Variants in KIF26A observed in about 807,000 individuals in gnomAD.
The protein encoded by KIF26A is kinesin-like protein KIF26A.
KIF26A carries 74 observed loss-of-function variants against 126.0 expected under a neutral mutation model. The ratio of observed to expected loss-of-function variants is 0.59; its 90% CI spans 0.49 to 0.71. The LOEUF (loss-of-function observed/expected upper bound fraction) is 0.71, where lower values mean the gene tolerates loss of function less well. Ranked by LOEUF, KIF26A falls within the 30% of genes least tolerant of loss-of-function variation. The pLI is 0.00. For synonymous variants in KIF26A, 1,445 were observed against 1,232.7 expected (o/e 1.17, Z -3.61); for missense variants, 2,984 against 2,763.3 (o/e 1.08, Z -1.79).
chr14:104,176,868 C>T lies in KIF26A; in HGVS notation c.4080C>T (p.Ala1360=), dbSNP rs143446561. 2.1e-3 allele frequency: 3,297 copies of T among 1,542,210 alleles called. 68 individuals carry two copies. The African/African-American group carries it at 0.037, about 18-fold the overall frequency. Residue 1360 remains alanine, a synonymous_variant, in exon 12 of 15, where the codon GCC becomes GCT. Coordinates refer to ENST00000423312, the MANE Select transcript of KIF26A (RefSeq NM_015656.2). ...TCCTCCCGAGGCCCAGTGGGGCGGC[C>T]CCCCCGGCCCCACCCACGCGGAAGT... ...AGFLPRPSGA[A]PPAPPTRKSS...
At position 104,176,345 on chromosome 14, in the gene KIF26A, C is replaced by T; in HGVS notation, c.3557C>T (p.Ser1186Phe). 1 of 1,582,336 alleles carries T rather than the reference C, an allele frequency of 6.3e-7. No homozygotes were observed. Among genetic ancestry groups the T allele is most frequent in the Non-Finnish European group, 8.6e-7 (1 of 1,161,192 alleles). The change falls in exon 12 of 15, where the codon TCC (serine) becomes TTC (phenylalanine). Residue 1186 changes from serine to phenylalanine, a missense_variant. Coordinates refer to ENST00000423312, the MANE Select transcript of KIF26A (RefSeq NM_015656.2). ...CPGEVAAVAPSRPGREPQAGP... is the reference protein window; with the variant it reads ...CPGEVAAVAPFRPGREPQAGP... ...GGGGAAGTGGCTGCAGTGGCCCCAT[C>T]CCGACCCGGCAGGGAGCCCCAGGCC... is the stretch of plus-strand genomic sequence containing the variant.
chr14:104,146,434 G>A (rs1028927131), intron 2 of KIF26A, among the ~76,000 whole-genome samples: 1 of 152,114 alleles, frequency 6.6e-6, no homozygotes, highest in Non-Finnish European at 1.5e-5. Flanking sequence ...GGGTCCTGAG[G>A]GCGGAGGCCA....
At chr14:104,168,226 C>T (rs1021363615) in intron 5 of KIF26A, among the ~76,000 whole-genome samples, 7 of 152,292 alleles carry the variant, frequency 4.6e-5, no homozygotes, top group African/African-American at 1.7e-4. Context: ...ATGCTGGCTA[C>T]GGGGAAGGGC....
At chr14:104,173,263 T>C (rs770522310) in intron 8 of KIF26A, 24 bp downstream of exon 8, 14 of 1,602,644 alleles carry the variant, frequency 8.7e-6, no homozygotes, top group African/African-American at 2.7e-5. Flanking sequence ...CTGTCCCACC[T>C]TGGGGGAGGG....
In KIF26A at chr14:104,138,685, G is replaced by A. The variant is rs1027771059; in HGVS notation, c.-38G>A. On this transcript the variant is annotated 5_prime_UTR_variant, in exon 1 of 15. Coordinates refer to ENST00000423312, the MANE Select transcript of KIF26A (RefSeq NM_015656.2). ...GCGGCGCCCCCGGAGAGCCAGCGTG[G>A]CCGGGAGCGCCTGCCGGGCTCTTCC... 5.6e-6 allele frequency: 7 copies of A among 1,261,170 alleles called. No individual in the cohort carries two copies. Among genetic ancestry groups the A allele is most frequent in the Non-Finnish European group, 7.0e-6 (7 of 1,001,478 alleles). 78.1% of individuals were successfully genotyped at this position (1,261,170 alleles called of 1,614,324 possible).
intron 2 of KIF26A, among the ~76,000 whole-genome samples, chr14:104,145,796 G>GACCT (rs1263816749): frequency 6.6e-6 from 1 of 152,174 alleles, no homozygotes; most frequent in African/African-American, 2.4e-5. Context: ...CCAGCCGCTT[G>GACCT]ACCTAGCCTG....
At chr14:104,177,920 CCTCT>C in intron 12 of KIF26A, 22 bp downstream of exon 12, 1 of 1,484,150 alleles carries the variant, frequency 6.7e-7, no homozygotes, top group Non-Finnish European at 8.9e-7. Context: ...GGTGCACAGC[CCTCT>C]ACAGTTTACG....
chr14:104,160,154 T>G lies in KIF26A; in HGVS notation c.923+2212T>G, dbSNP rs575111222. 9.2e-5 allele frequency among the ~76,000 whole-genome samples: 14 copies of G among 152,272 alleles called. No homozygotes were observed. In the South Asian group the frequency reaches 2.7e-3, roughly 29 times the overall value. On this transcript the variant is annotated intron_variant, in intron 4 of 14. Transcript: ENST00000423312. ...GCCTTAGATGGCAGCACGGGACCCG[T>G]GTAGCAGTCAGGGCAGAGTGGCCTC...
Position 104,179,661 on chromosome 14 carries a change from G to A in KIF26A, c.5520G>A (p.Leu1840=). The A allele has an allele frequency of 1.9e-6, 3 of 1,547,966 alleles. No homozygotes were observed. The highest frequency in any genetic ancestry group is 2.6e-6 in the Non-Finnish European group (3 of 1,145,838). The change falls in exon 15 of 15, where the codon CTG becomes CTA. Residue 1840 remains leucine (L), a synonymous_variant. Transcript: ENST00000423312. ...AGTCGGCCGAGTACCTGGCGGCCCT[G>A]GAGCGAGCCACGGCGGCCCTGGAGC... ...EPESAEYLAA[L]ERATAALEQC... is the part of the protein sequence containing the mutation.
chr14:104,165,635 C>CTG (rs777270303), intron 4 of KIF26A, among the ~76,000 whole-genome samples: 3 of 131,838 alleles, frequency 2.3e-5, no homozygotes, highest in African/African-American at 1.1e-4. Flanking sequence ...ATGTGTGTGT[C>CTG]TGTGTTTCTG....
chr14:104,168,262 G>A (rs1291582254), intron 5 of KIF26A, among the ~76,000 whole-genome samples: 1 of 152,208 alleles, frequency 6.6e-6, no homozygotes. Flanking sequence ...GTCTGGCCAC[G>A]CCCTCAGTGG....
intron 5 of KIF26A, among the ~76,000 whole-genome samples, chr14:104,167,874 G>T (rs1203608898): frequency 1.3e-5 from 2 of 152,190 alleles, no homozygotes; most frequent in African/African-American, 2.4e-5. Flanking sequence ...GGCCCGGGAG[G>T]CTCTGTGCCC....
rs1479249642 is a variant in KIF26A, at chr14:104,151,256, T to A, written c.289-759T>A. Among the ~76,000 whole-genome samples, 2 of 152,202 alleles carry A rather than the reference T, an allele frequency of 1.3e-5. No homozygotes were observed. Among genetic ancestry groups the A allele is most frequent in the Non-Finnish European group, 2.9e-5 (2 of 68,038 alleles). On this transcript the variant is annotated intron_variant, in intron 2 of 14. Transcript: ENST00000423312. The surrounding 1 kb of genome is among the most constrained non-coding windows in gnomAD (Gnocchi z 4.9). ...CTCTGGGTTCTTCTGGCTCTTGTTT[T>A]TAGCCGTTTCTAGAACCCAGTCTCA...
At position 104,176,182 on chromosome 14, in the gene KIF26A, C is replaced by A; in HGVS notation, c.3394C>A (p.Arg1132Ser). Reference sequence around the variant, plus strand: ...CAGCCGTGACCCCACGCCGCAGCCCCGCTTCAGCCCCGACTCGCTGGCAGG... The same window carrying A: ...CAGCCGTGACCCCACGCCGCAGCCCAGCTTCAGCCCCGACTCGCTGGCAGG... ...ADSRDPTPQPRFSPDSLAGLD... is the reference protein window; with the variant it reads ...ADSRDPTPQPSFSPDSLAGLD... Residue 1132 changes from arginine (R) to serine (S), a missense_variant, in exon 12 of 15, where the codon CGC becomes AGC. Coordinates refer to ENST00000423312, the MANE Select transcript of KIF26A (RefSeq NM_015656.2). The A allele has an allele frequency of 6.3e-7, 1 of 1,596,606 alleles. No individual in the cohort carries two copies.
Position 104,175,374 on chromosome 14 carries a change from T to G in KIF26A, c.2586T>G (p.Gly862=). ...DGNEGPSGGP[G]GTDGAQASPA... ...ACGAGGGTCCCTCAGGAGGTCCAGGTGGCACCGACGGAGCTCAGGCCAGCC... is the reference window on the plus strand; with the variant it reads ...ACGAGGGTCCCTCAGGAGGTCCAGGGGGCACCGACGGAGCTCAGGCCAGCC... Residue 862 remains glycine (G), a synonymous_variant, in exon 12 of 15, where the codon GGT becomes GGG. Coordinates refer to ENST00000423312, the MANE Select transcript of KIF26A (RefSeq NM_015656.2). 1 of 1,599,712 alleles carries G rather than the reference T, an allele frequency of 6.3e-7. No individual in the cohort carries two copies. Among genetic ancestry groups the G allele is most frequent in the Non-Finnish European group, 8.5e-7 (1 of 1,177,694 alleles).
In KIF26A at chr14:104,179,995, C is replaced by A; in HGVS notation, c.*205C>A. 2.0e-6 allele frequency: 1 copy of A among 490,380 alleles called. No homozygotes were observed. Among genetic ancestry groups the A allele is most frequent in the Non-Finnish European group, 3.5e-6 (1 of 284,360 alleles). The allele number at this position is 490,380 out of a possible 1,614,324, so 30.4% of individuals were successfully genotyped here. On this transcript the variant is annotated 3_prime_UTR_variant, in exon 15 of 15. Transcript: ENST00000423312. ...CGAGGGTGCCAGGGTGACCAGAAGA[C>A]CGTCACCACCCGACAGCAACGCAAG... is the stretch of plus-strand genomic sequence containing the variant.
chr14:104,164,485 T>C (rs1293779390), intron 4 of KIF26A, among the ~76,000 whole-genome samples: 1 of 151,334 alleles, frequency 6.6e-6, no homozygotes, highest in Non-Finnish European at 1.5e-5. Context: ...TCTGGGTGCC[T>C]GCAGCACAAA....
Position 104,176,185 on chromosome 14 carries a change from T to C in KIF26A, c.3397T>C (p.Phe1133Leu). Reference protein sequence around the residue: ...DSRDPTPQPRFSPDSLAGLDP... With the variant: ...DSRDPTPQPRLSPDSLAGLDP... ...CCGTGACCCCACGCCGCAGCCCCGC[T>C]TCAGCCCCGACTCGCTGGCAGGGCT... Residue 1133 changes from phenylalanine (F) to leucine (L), a missense_variant, in exon 12 of 15, where the codon TTC becomes CTC. Transcript: ENST00000423312. 1 of 1,597,946 alleles carries C rather than the reference T, an allele frequency of 6.3e-7. No individual in the cohort carries two copies. Among genetic ancestry groups the C allele is most frequent in the East Asian group, 2.3e-5 (1 of 44,146 alleles).
At chr14:104,178,474 C>T in intron 12 of KIF26A, 76 bp from the exon 13 acceptor site, 1 of 1,157,810 alleles carries the variant, frequency 8.6e-7, no homozygotes, top group Non-Finnish European at 1.1e-6. Context: ...CGGGCCGGCT[C>T]CGCAGCGTCC....
Sources: allele counts gnomAD v4.1 joint callset (sites outside exome capture counted in the v4.1 genomes callset), GRCh38; gene constraint gnomAD v4.1.1; non-coding constraint Gnocchi (gnomAD v3.1); transcripts MANE v1.5; gene names NCBI Gene and HGNC (gene_info 2026-07-23, HGNC 2026-07-21).